The following STPG2 variants were observed in gnomAD, a reference collection of about 807,000 sequenced individuals.
The protein encoded by STPG2 is sperm-tail PG-rich repeat-containing protein 2.
Under a neutral mutation model 54.2 loss-of-function variants are expected in STPG2, and 56 were observed. That is an observed-to-expected ratio of 1.03 (90% confidence interval 0.83 to 1.29). The LOEUF is 1.29. Ranked by LOEUF, STPG2 falls within the 50% of genes most tolerant of loss-of-function variation. The probability of loss-of-function intolerance (pLI) is 0.00; values close to 1 mark genes in which losing one functional copy is unlikely to be tolerated. For missense variants in STPG2, 596 were observed against 544.9 expected, an observed-to-expected ratio of 1.09 and a Z score of -0.93; for synonymous variants, 200 against 181.8, an observed-to-expected ratio of 1.10 and a Z score of -0.81.
chr4:98,059,132 A>T (rs1252235427), intron 5 of STPG2, among the ~76,000 whole-genome samples: 1 of 152,096 alleles, frequency 6.6e-6, no homozygotes, highest in Admixed American at 6.5e-5. Flanking sequence ...AGAGGATCCA[A>T]ATAAACATAA....
chr4:98,121,885 C>G (rs1038097287), intron 3 of STPG2, among the ~76,000 whole-genome samples: 1 of 152,100 alleles, frequency 6.6e-6, no homozygotes, highest in Non-Finnish European at 1.5e-5. Flanking sequence ...CCATGCCAAG[C>G]TAATTTTTGT....
chr4:97,736,621 T>C (rs1725005823), intron 9 of STPG2, among the ~76,000 whole-genome samples: 1 of 152,130 alleles, frequency 6.6e-6, no homozygotes, highest in African/African-American at 2.4e-5. Context: ...CACAGCAGCC[T>C]GAGATCAAAC....
chr4:97,963,507 T>C (rs1045842299), intron 7 of STPG2, among the ~76,000 whole-genome samples: 4 of 151,902 alleles, frequency 2.6e-5, no homozygotes, highest in African/African-American at 9.7e-5. Context: ...TTTTTTAAAA[T>C]AGCCAGGTGT....
At position 97,896,878 on chromosome 4, in the gene STPG2, A is replaced by G. The variant is rs960205977; in HGVS notation, c.1044+47019T>C. Among the ~76,000 whole-genome samples the G allele has an allele frequency of 2.6e-5, 4 of 151,768 alleles. No homozygotes were observed. In the East Asian group the frequency reaches 5.8e-4, roughly 22 times the overall value. On this transcript the variant is annotated intron_variant, in intron 8 of 10. Coordinates refer to ENST00000295268, the MANE Select transcript of STPG2 (RefSeq NM_174952.3). The stretch of plus-strand genomic sequence containing the variant: ...CTACTATTAGTTGGGAAGACTATAT[A>G]AACTTATCTTTTTCCTTCTGCTTTT...
chr4:97,506,084 A>T (rs17026735), intron 4 of STPG2, among the ~76,000 whole-genome samples: 10,066 of 147,172 alleles, frequency 0.068, 1,105 homozygotes, highest in African/African-American at 0.24. Context: ...GAAATGTAGG[A>T]GTGAGTGTGA....
At chr4:97,980,648 TGTTG>T (rs1274011704) in intron 6 of STPG2, among the ~76,000 whole-genome samples, 1 of 152,180 alleles carries the variant, frequency 6.6e-6, no homozygotes, top group Non-Finnish European at 1.5e-5. Context: ...TAGAAAAGCC[TGTTG>T]TTTTAAGCGA....
intron 8 of STPG2, among the ~76,000 whole-genome samples, chr4:97,934,553 G>A (rs1196659986): frequency 6.6e-6 from 1 of 152,128 alleles, no homozygotes; most frequent in Non-Finnish European, 1.5e-5. Context: ...CTAGTTTATT[G>A]AGGGTTTTTA....
chr4:98,008,387 G>T (rs915500340), intron 5 of STPG2, among the ~76,000 whole-genome samples: 2 of 151,918 alleles, frequency 1.3e-5, no homozygotes, highest in African/African-American at 4.8e-5. Context: ...CCTTCCCAGA[G>T]AAGCAAATGT....
chr4:98,126,230 C>G (rs905705638), intron 3 of STPG2, among the ~76,000 whole-genome samples: 1 of 152,178 alleles, frequency 6.6e-6, no homozygotes, highest in Non-Finnish European at 1.5e-5. Flanking sequence ...TGGATGATCT[C>G]CTGCCTCACC....
At chr4:98,022,846 C>T (rs1190185636) in intron 5 of STPG2, among the ~76,000 whole-genome samples, 2 of 152,174 alleles carry the variant, frequency 1.3e-5, no homozygotes, top group South Asian at 4.1e-4. Flanking sequence ...ACGTAGTTCT[C>T]GAGCGTTGGC....
chr4:98,071,750 C>T (rs963453605), intron 5 of STPG2, among the ~76,000 whole-genome samples: 3 of 151,874 alleles, frequency 2.0e-5, no homozygotes, highest in Non-Finnish European at 2.9e-5. Flanking sequence ...GGCAAAGGAC[C>T]TAAACAGACA....
At chr4:98,019,154 C>G (rs912816443) in intron 5 of STPG2, among the ~76,000 whole-genome samples, 1 of 152,158 alleles carries the variant, frequency 6.6e-6, no homozygotes, top group Non-Finnish European at 1.5e-5. Flanking sequence ...GGTTTTAGGT[C>G]TAACATGTAA....
intron 10 of STPG2, among the ~76,000 whole-genome samples, chr4:97,691,854 G>A (rs1203521681): frequency 6.6e-6 from 1 of 152,084 alleles, no homozygotes; most frequent in Admixed American, 6.5e-5. Context: ...ACGTGAAGAC[G>A]AATCATATCA....
intron 5 of STPG2, among the ~76,000 whole-genome samples, chr4:98,037,979 G>A (rs1434633437): frequency 6.6e-6 from 1 of 152,100 alleles, no homozygotes; most frequent in Non-Finnish European, 1.5e-5. Flanking sequence ...TGGTTTAGAT[G>A]TGACGATTGT....
chr4:97,945,895 C>T (rs1020705732), intron 7 of STPG2, among the ~76,000 whole-genome samples: 18 of 152,080 alleles, frequency 1.2e-4, no homozygotes, highest in African/African-American at 4.3e-4. Context: ...CCTATCTCTA[C>T]AAAAAACACA....
chr4:97,691,101 A>G (rs779019064), intron 10 of STPG2, among the ~76,000 whole-genome samples: 2 of 152,194 alleles, frequency 1.3e-5, no homozygotes, highest in Non-Finnish European at 1.5e-5. Flanking sequence ...GGAAACCTAC[A>G]TTATGAACTT....
chr4:98,094,034 A>G (rs1738770916), intron 5 of STPG2, among the ~76,000 whole-genome samples: 1 of 152,216 alleles, frequency 6.6e-6, no homozygotes, highest in South Asian at 2.1e-4. Context: ...GTTTAGAGCC[A>G]GGAAGCTAGG....
intron 8 of STPG2, among the ~76,000 whole-genome samples, chr4:97,855,031 C>T (rs1461390022): frequency 2.0e-5 from 3 of 152,154 alleles, no homozygotes; most frequent in African/African-American, 7.2e-5. Flanking sequence ...GGGTAGATTG[C>T]TGAATATAAT....
intron 9 of STPG2, among the ~76,000 whole-genome samples, chr4:97,810,248 G>A (rs966669703): frequency 4.6e-5 from 7 of 152,018 alleles, no homozygotes; most frequent in African/African-American, 1.7e-4. Context: ...GGTGGATCAC[G>A]AGGTCAAGAG....
Sources: gnomAD v4.1 joint callset for allele counts (sites outside exome capture counted in the v4.1 genomes callset) on GRCh38, gnomAD v4.1.1 for gene constraint, MANE v1.5 for transcripts, NCBI Gene and HGNC (gene_info 2026-07-23, HGNC 2026-07-21) for gene names.